ZC2HC1B: variants seen among roughly 807,000 people sequenced by gnomAD.
ZC2HC1B encodes the protein zinc finger C2HC domain-containing protein 1B.
A neutral mutation model predicts 31.0 loss-of-function variants in ZC2HC1B; 36 were observed. That is an observed-to-expected ratio of 1.16 (90% CI 0.89 to 1.54). ZC2HC1B has a LOEUF of 1.54. Among genes scored for constraint, ZC2HC1B ranks in the 40% most tolerant of loss-of-function variants. The pLI is 0.00. For synonymous variants in ZC2HC1B, 73 were observed against 88.0 expected (o/e 0.83, Z 0.95); for missense variants, 260 against 268.6 (o/e 0.97, Z 0.22).
At chr6:143,878,686 C>T (rs1777435183) in intron 1 of ZC2HC1B, among the ~76,000 whole-genome samples, 1 of 136,992 alleles carries the variant, frequency 7.3e-6, no homozygotes, top group African/African-American at 2.7e-5. Context: ...ATGCATAAAA[C>T]AAGGTTTTGT....
rs1008666238 is a variant in ZC2HC1B, at chr6:143,924,612, C to T, written c.599-13037C>T. ...CAATGTCTTGTTACAGGTCTTTCAG[C>T]TTCTCCCCACTCAGTATTATGTTAG... On this transcript the variant is annotated intron_variant, in intron 6 of 7. Coordinates refer to ENST00000237275, the MANE Select transcript of ZC2HC1B (RefSeq NM_001013623.3). This position sits in a 1 kb window ranked among gnomAD's most constrained non-coding sequence, Gnocchi z 5.2. Among the ~76,000 whole-genome samples the T allele has an allele frequency of 2.6e-5, 4 of 152,142 alleles. No homozygotes were observed. Among genetic ancestry groups the T allele is most frequent in the Admixed American group, 1.3e-4 (2 of 15,274 alleles).
At chr6:143,910,366 G>C (rs780136074) in intron 6 of ZC2HC1B, among the ~76,000 whole-genome samples, 1 of 152,184 alleles carries the variant, frequency 6.6e-6, no homozygotes, top group Non-Finnish European at 1.5e-5. Flanking sequence ...CTTTTGTTGA[G>C]GAGTGTTTTA....
rs1562346056 is a variant in ZC2HC1B at position 143,915,920 on chromosome 6, T to C, written c.598+12768T>C. On this transcript the variant is annotated intron_variant, in intron 6 of 7. Transcript: ENST00000237275. This position sits in a 1 kb window ranked among gnomAD's most constrained non-coding sequence, Gnocchi z 5.2. ...CCTGACAATGCAATAGAAAAGAAAATCCCATTTTCTGGGGAGAAATTCAAA... is the reference window on the plus strand; with the variant it reads ...CCTGACAATGCAATAGAAAAGAAAACCCCATTTTCTGGGGAGAAATTCAAA... Among the ~76,000 whole-genome samples the C allele has an allele frequency of 6.6e-6, 1 of 152,100 alleles. No individual in the cohort carries two copies. Among genetic ancestry groups the C allele is most frequent in the Admixed American group, 6.5e-5 (1 of 15,270 alleles).
chr6:143,907,713 C>T (rs1676227948), intron 6 of ZC2HC1B, among the ~76,000 whole-genome samples: 1 of 152,146 alleles, frequency 6.6e-6, no homozygotes. Flanking sequence ...ACATTTTCTC[C>T]CATTCTGTAA....
intron 1 of ZC2HC1B, among the ~76,000 whole-genome samples, chr6:143,876,657 T>G: frequency 6.7e-6 from 1 of 150,218 alleles, no homozygotes; most frequent in East Asian, 1.9e-4. Context: ...GGAAATGTAT[T>G]AAGTATTAAC....
chr6:143,886,425 A>G lies in ZC2HC1B; in HGVS notation c.211-258A>G, dbSNP rs78248108. ...CTGAGAAGAAAGTCACTTTTAATCT[A>G]CATTTGCTTTTCTTTAAAGTTTTAT... On this transcript the variant is annotated intron_variant, in intron 3 of 7. Transcript: ENST00000237275. This position sits in a 1 kb window ranked among gnomAD's most constrained non-coding sequence, Gnocchi z 4.2. Among the ~76,000 whole-genome samples, 35 of 152,286 alleles carry G rather than the reference A, an allele frequency of 2.3e-4. No individual in the cohort carries two copies. In the East Asian group the frequency reaches 6.5e-3, roughly 28 times the overall value.
In ZC2HC1B at chr6:143,937,688, A is replaced by G. The variant is rs1283612105; in HGVS notation, c.638A>G (p.Gln213Arg). Reference protein sequence around the residue: ...MDPASGAKLRQGFSKSSKKD With the variant: ...MDPASGAKLRRGFSKSSKKD The stretch of plus-strand genomic sequence containing the variant: ...CCTGCTTCTGGAGCAAAACTCAGAC[A>G]AGGATTTAGTAAATCTTCTAAAAAA... Residue 213 changes from glutamine to arginine, a missense_variant, in exon 7 of 8, where the codon CAA (glutamine) becomes CGA (arginine). By Grantham distance (43) the Gln-to-Arg change is conservative. Coordinates refer to ENST00000237275, the MANE Select transcript of ZC2HC1B (RefSeq NM_001013623.3). 4 of 1,551,272 alleles carry G rather than the reference A, an allele frequency of 2.6e-6. No individual in the cohort carries two copies. The highest frequency in any genetic ancestry group is 1.2e-5 in the South Asian group (1 of 83,918).
At chr6:143,889,036 A>G (rs1011215566) in intron 4 of ZC2HC1B, among the ~76,000 whole-genome samples, 5 of 152,042 alleles carry the variant, frequency 3.3e-5, no homozygotes, top group African/African-American at 1.2e-4. Flanking sequence ...ATAGCATATA[A>G]TGGGTATTAT....
rs959430613 is a variant in ZC2HC1B, at chr6:143,918,392, G to A, written c.598+15240G>A. 1.3e-5 allele frequency among the ~76,000 whole-genome samples: 2 copies of A among 152,112 alleles called. No individual in the cohort carries two copies. Among genetic ancestry groups the A allele is most frequent in the African/African-American group, 4.8e-5 (2 of 41,404 alleles). On this transcript the variant is annotated intron_variant, in intron 6 of 7. Transcript: ENST00000237275. The surrounding 1 kb of genome is among the most constrained non-coding windows in gnomAD (Gnocchi z 4.1). ...ACCACTTTGAATATGTTGGCCCACT[G>A]TGTTTCATCCTCCATGGTTTCTGAT...
intron 6 of ZC2HC1B, among the ~76,000 whole-genome samples, chr6:143,919,202 A>G (rs1777955849): frequency 6.9e-6 from 1 of 144,864 alleles, no homozygotes; most frequent in Non-Finnish European, 1.5e-5. Flanking sequence ...TCCCTTCTGC[A>G]GGGTTTGCTA....
intron 6 of ZC2HC1B, among the ~76,000 whole-genome samples, chr6:143,907,423 C>A (rs1297078296): frequency 6.6e-6 from 1 of 152,256 alleles, no homozygotes; most frequent in African/African-American, 2.4e-5. Flanking sequence ...CCTTTTTCTC[C>A]ACAACCTTGC....
chr6:143,931,593 T>C lies in ZC2HC1B; in HGVS notation c.599-6056T>C, dbSNP rs548357207. On this transcript the variant is annotated intron_variant, in intron 6 of 7. Coordinates refer to ENST00000237275, the MANE Select transcript of ZC2HC1B (RefSeq NM_001013623.3). ...TCTCTCCTTCATTTATGATGCTTAGTTTTGCTGGACACAGAAGTCTTGGCT... is the reference window on the plus strand; with the variant it reads ...TCTCTCCTTCATTTATGATGCTTAGCTTTGCTGGACACAGAAGTCTTGGCT... 2.0e-5 allele frequency among the ~76,000 whole-genome samples: 3 copies of C among 152,322 alleles called. No homozygotes were observed. In the East Asian group the frequency reaches 5.8e-4, roughly 29 times the overall value.
chr6:143,891,704 A>AG (rs1777604552), intron 4 of ZC2HC1B, among the ~76,000 whole-genome samples: 1 of 152,000 alleles, frequency 6.6e-6, no homozygotes, highest in African/African-American at 2.4e-5. Flanking sequence ...AAAAAAAAAA[A>AG]AAAAGAAAGA....
rs1425597493 is a variant in ZC2HC1B at position 143,886,584 on chromosome 6, C to T, written c.211-99C>T. On this transcript the variant is annotated intron_variant, in intron 3 of 7. Coordinates refer to ENST00000237275, the MANE Select transcript of ZC2HC1B (RefSeq NM_001013623.3). The surrounding 1 kb of genome is among the most constrained non-coding windows in gnomAD (Gnocchi z 4.2). Reference sequence around the variant, plus strand: ...AAACTCTCCTTTTCCCCAATTTTCACAGTTCTGTTTCCTGTGAATTCAAAT... The same window carrying T: ...AAACTCTCCTTTTCCCCAATTTTCATAGTTCTGTTTCCTGTGAATTCAAAT... The T allele has an allele frequency of 1.7e-6, 2 of 1,192,998 alleles. No homozygotes were observed. The highest frequency in any genetic ancestry group is 2.2e-6 in the Non-Finnish European group (2 of 917,474). The allele number at this position is 1,192,998 out of a possible 1,614,324, so 73.9% of individuals were successfully genotyped here. A position where few individuals can be genotyped will look rare whatever the true frequency, so the allele number is the denominator to read the frequency against.
At chr6:143,867,393 G>GAACA (rs1232256506) in intron 1 of ZC2HC1B, among the ~76,000 whole-genome samples, 3 of 152,136 alleles carry the variant, frequency 2.0e-5, no homozygotes, top group Admixed American at 6.5e-5. Flanking sequence ...ACAGTCCCTG[G>GAACA]GTCTGACTTC....
Position 143,903,060 on chromosome 6 carries a change from G to C in ZC2HC1B, c.506G>C (p.Gly169Ala). The part of the protein sequence containing the change: ...ASRAQGRAQM[G>A]PKKEPTVTSA... ...TCTCTGTAGGGTAGGGCTCAGATGG[G>C]TCCAAAAAAAGAACCAACTGTTACC... The change falls in exon 6 of 8, where the codon GGT becomes GCT. Residue 169 changes from glycine (G) to alanine (A), a missense_variant. Coordinates refer to ENST00000237275, the MANE Select transcript of ZC2HC1B (RefSeq NM_001013623.3). This position sits in a 1 kb window ranked among gnomAD's most constrained non-coding sequence, Gnocchi z 4.3. 1 of 1,551,708 alleles carries C rather than the reference G, an allele frequency of 6.4e-7. No individual in the cohort carries two copies. The highest frequency in any genetic ancestry group is 8.7e-7 in the Non-Finnish European group (1 of 1,146,968).
chr6:143,935,088 C>T (rs7768375), intron 6 of ZC2HC1B, among the ~76,000 whole-genome samples: 98,077 of 151,756 alleles, frequency 0.65, 32,207 homozygotes, highest in South Asian at 0.78. Flanking sequence ...AGCTGGGCGG[C>T]CCCATCCTTA....
At position 143,897,737 on chromosome 6, in the gene ZC2HC1B, T is replaced by G. The variant is rs551071599; in HGVS notation, c.350-815T>G. ...CTAGCCACTGCAAAAGCAGTATGTC[T>G]TTCTGCCAGTGACACAGTCCCATTG... On this transcript the variant is annotated intron_variant, in intron 4 of 7. Transcript: ENST00000237275. Among the ~76,000 whole-genome samples, 6 of 152,276 alleles carry G rather than the reference T, an allele frequency of 3.9e-5. No individual in the cohort carries two copies. The South Asian group carries it at 1.2e-3, about 32-fold the overall frequency.
intron 4 of ZC2HC1B, among the ~76,000 whole-genome samples, chr6:143,893,962 A>G (rs950173666): frequency 6.6e-6 from 1 of 152,216 alleles, no homozygotes; most frequent in African/African-American, 2.4e-5. Flanking sequence ...TTGGGATTAC[A>G]GGTGTGAGCC....
Sources: allele counts gnomAD v4.1 joint callset (sites outside exome capture counted in the v4.1 genomes callset), GRCh38; gene constraint gnomAD v4.1.1; non-coding constraint Gnocchi (gnomAD v3.1); transcripts MANE v1.5; gene names NCBI Gene and HGNC (gene_info 2026-07-23, HGNC 2026-07-21).